The following WIPF3 variants were observed in gnomAD, a reference collection of about 807,000 sequenced individuals.
WIPF3 encodes WAS/WASL-interacting protein family member 3.
In WIPF3, 33 loss-of-function variants were observed where a neutral mutation model predicts 38.9. That is an observed-to-expected ratio of 0.85 (90% CI 0.64 to 1.14). WIPF3 has a LOEUF of 1.14. WIPF3 is among the 50% of genes most tolerant of loss of function. The probability of loss-of-function intolerance (pLI) is 0.00; values close to 1 mark genes in which losing one functional copy is unlikely to be tolerated. For synonymous variants in WIPF3, 324 were observed against 269.3 expected (o/e 1.20, Z -1.99); for missense variants, 711 against 652.5 (o/e 1.09, Z -0.98).
chr7:29,870,255 C>T (rs1785471186), intron 2 of WIPF3, among the ~76,000 whole-genome samples: 1 of 152,186 alleles, frequency 6.6e-6, no homozygotes, highest in East Asian at 1.9e-4. Flanking sequence ...TTTGAATCCT[C>T]AGGATTCAAT....
chr7:29,855,656 G>C (rs1473188146), intron 2 of WIPF3, among the ~76,000 whole-genome samples: 1 of 152,202 alleles, frequency 6.6e-6, no homozygotes, highest in Non-Finnish European at 1.5e-5. Flanking sequence ...TGGACGAGCA[G>C]ACCCAGGGTT....
chr7:29,816,822 A>G (rs911716835), intron 1 of WIPF3, among the ~76,000 whole-genome samples: 2 of 152,162 alleles, frequency 1.3e-5, no homozygotes, highest in Admixed American at 6.5e-5. Context: ...GCCTTTTCCT[A>G]TTAAAACAAA....
Position 29,835,486 on chromosome 7 carries a change from GT to G in WIPF3, c.90+675del, listed in dbSNP as rs1397543740. Among the ~76,000 whole-genome samples the G allele has an allele frequency of 5.9e-5, 9 of 152,226 alleles. 1 individual carries two copies. The South Asian group carries it at 1.7e-3, about 28-fold the overall frequency. On this transcript the variant is annotated intron_variant, in intron 2 of 8. Coordinates refer to ENST00000242140, the MANE Select transcript of WIPF3 (RefSeq NM_001080529.3). ...TGGGCTGTCCTATGCATTGTAGGAT[GT>G]TTAGCAACATCCCTGGCATCTACCC... is the stretch of plus-strand genomic sequence containing the variant.
Position 29,878,587 on chromosome 7 carries a change from G to T in WIPF3, c.224-422G>T, listed in dbSNP as rs1428248732. 6.6e-6 allele frequency among the ~76,000 whole-genome samples: 1 copy of T among 152,338 alleles called. No homozygotes were observed. The highest frequency in any genetic ancestry group is 6.5e-5 in the Admixed American group (1 of 15,306). The stretch of plus-strand genomic sequence containing the variant: ...CGCTCTGTGGACAAGAAGTTAAAAT[G>T]ACTGACTGAATTAAATCTGTGGGTT... On this transcript the variant is annotated intron_variant, in intron 3 of 8. Coordinates refer to ENST00000242140, the MANE Select transcript of WIPF3 (RefSeq NM_001080529.3). The surrounding 1 kb of genome is among the most constrained non-coding windows in gnomAD (Gnocchi z 4.0).
chr7:29,910,906 G>A (rs558343036), intron 8 of WIPF3, among the ~76,000 whole-genome samples: 12 of 152,102 alleles, frequency 7.9e-5, no homozygotes, highest in Non-Finnish European at 1.8e-4. Context: ...AGTACTGGAA[G>A]TCTATCCAGA....
intron 1 of WIPF3, among the ~76,000 whole-genome samples, chr7:29,813,193 C>T (rs1784406973): frequency 6.6e-6 from 1 of 152,184 alleles, no homozygotes; most frequent in East Asian, 1.9e-4. Flanking sequence ...ATTGCCGTTA[C>T]TCTGATTTAA....
At chr7:29,871,824 T>G (rs1225280992) in intron 2 of WIPF3, among the ~76,000 whole-genome samples, 3 of 152,202 alleles carry the variant, frequency 2.0e-5, no homozygotes, top group African/African-American at 7.2e-5. Context: ...ATTTCTAATC[T>G]CACAGGCACA....
intron 2 of WIPF3, among the ~76,000 whole-genome samples, chr7:29,867,410 G>T (rs1785407288): frequency 6.6e-6 from 1 of 152,110 alleles, no homozygotes; most frequent in African/African-American, 2.4e-5. Context: ...AAATTAATCT[G>T]CCAGGCGGGG....
chr7:29,833,290 G>T (rs1461278747), intron 1 of WIPF3, among the ~76,000 whole-genome samples: 1 of 152,212 alleles, frequency 6.6e-6, no homozygotes, highest in Middle Eastern at 3.2e-3. Flanking sequence ...CCACTGAATT[G>T]TATACTTAAA....
At chr7:29,834,583 A>G in intron 1 of WIPF3, 85 bp from the exon 2 acceptor site, 3 of 1,192,194 alleles carry the variant, frequency 2.5e-6, no homozygotes, top group East Asian at 3.3e-5. Context: ...CAAGCTGACT[A>G]TAATATGCAT....
At chr7:29,879,784 G>A (rs1785679150) in intron 4 of WIPF3, among the ~76,000 whole-genome samples, 1 of 152,146 alleles carries the variant, frequency 6.6e-6, no homozygotes, top group East Asian at 1.9e-4. Flanking sequence ...TCAGTATCCA[G>A]CAGGCTGTCT....
At position 29,902,859 on chromosome 7, in the gene WIPF3, G is replaced by GT. The variant is rs11301925; in HGVS notation, c.1352-1415dup. 4.1e-3 allele frequency among the ~76,000 whole-genome samples: 602 copies of GT among 147,580 alleles called. 2 individuals carry two copies. Among genetic ancestry groups the GT allele is most frequent in the South Asian group, 6.4e-3 (30 of 4,702 alleles). ...AAAACAAACAAACAAAAAAGAGCGT[G>GT]TTTTTTTTTTTTAATGGTGATTCTA... On this transcript the variant is annotated intron_variant, in intron 7 of 8. Coordinates refer to ENST00000242140, the MANE Select transcript of WIPF3 (RefSeq NM_001080529.3).
At chr7:29,840,464 A>T (rs938110530) in intron 2 of WIPF3, among the ~76,000 whole-genome samples, 1 of 152,226 alleles carries the variant, frequency 6.6e-6, no homozygotes, top group African/African-American at 2.4e-5. Flanking sequence ...TTTTTTAAAA[A>T]TTTGACTGGG....
At chr7:29,808,544 AG>A (rs1784323108) in intron 1 of WIPF3, among the ~76,000 whole-genome samples, 1 of 152,364 alleles carries the variant, frequency 6.6e-6, no homozygotes, top group African/African-American at 2.4e-5. Context: ...GAATCGGGGC[AG>A]AGCGGTCAGG....
Position 29,878,925 on chromosome 7 carries a change from C to T in WIPF3, c.224-84C>T. ...AAGGCTGACAAGGGCAGTGGTAGAC[C>T]AGTGTTAGACCATGGTCTGAAATGA... is the stretch of plus-strand genomic sequence containing the variant. On this transcript the variant is annotated intron_variant, in intron 3 of 8. Transcript: ENST00000242140. This position sits in a 1 kb window ranked among gnomAD's most constrained non-coding sequence, Gnocchi z 4.0. The T allele has an allele frequency of 6.8e-7, 1 of 1,464,036 alleles. No homozygotes were observed. Among genetic ancestry groups the T allele is most frequent in the East Asian group, 2.5e-5 (1 of 40,218 alleles). The allele number at this position is 1,464,036 out of a possible 1,614,324, so 90.7% of individuals were successfully genotyped here. A position where few individuals can be genotyped will look rare whatever the true frequency, so the allele number is the denominator to read the frequency against.
At chr7:29,826,261 A>T (rs989797062) in intron 1 of WIPF3, among the ~76,000 whole-genome samples, 1 of 152,168 alleles carries the variant, frequency 6.6e-6, no homozygotes, top group East Asian at 1.9e-4. Flanking sequence ...TGCCTTTCTT[A>T]CAGCCTTCCA....
At chr7:29,841,993 A>T (rs1364331881) in intron 2 of WIPF3, among the ~76,000 whole-genome samples, 1 of 152,192 alleles carries the variant, frequency 6.6e-6, no homozygotes, top group African/African-American at 2.4e-5. Flanking sequence ...TTTCAACTGT[A>T]CTTTGACCCC....
intron 2 of WIPF3, among the ~76,000 whole-genome samples, chr7:29,860,345 G>T (rs1785253511): frequency 6.6e-6 from 1 of 152,026 alleles, no homozygotes; most frequent in African/African-American, 2.4e-5. Context: ...TTGGGTCATG[G>T]GGACAGCTCC....
intron 2 of WIPF3, among the ~76,000 whole-genome samples, chr7:29,849,746 T>C (rs1469043633): frequency 2.6e-5 from 4 of 152,262 alleles, no homozygotes; most frequent in African/African-American, 7.2e-5. Context: ...TATTTCTTTA[T>C]ATATACATAT....
Sources: gnomAD v4.1 joint callset for allele counts (sites outside exome capture counted in the v4.1 genomes callset) on GRCh38, gnomAD v4.1.1 for gene constraint, Gnocchi (gnomAD v3.1) non-coding constraint, MANE v1.5 for transcripts, NCBI Gene and HGNC (gene_info 2026-07-23, HGNC 2026-07-21) for gene names.